The following RELN variants were observed in gnomAD, a reference collection of about 807,000 sequenced individuals.
The protein encoded by RELN is reelin.
In RELN, 108 loss-of-function variants were observed where a neutral mutation model predicts 427.6. The ratio of observed to expected loss-of-function variants is 0.25; its 90% CI spans 0.22 to 0.30. RELN has a LOEUF of 0.30. Ranked by LOEUF, RELN falls within the 10% of genes least tolerant of loss-of-function variation. The pLI is 1.00. For synonymous variants in RELN, 1,524 were observed against 1,513.4 expected, an observed-to-expected ratio of 1.01 and a Z score of -0.16; for missense variants, 3,715 against 4,302.8, an observed-to-expected ratio of 0.86 and a Z score of 3.82.
chr7:103,979,389 A>G (rs1346279788), intron 1 of RELN, among the ~76,000 whole-genome samples: 1 of 152,198 alleles, frequency 6.6e-6, no homozygotes, highest in Non-Finnish European at 1.5e-5. Context: ...GGTTGCCATA[A>G]AGTCTAGAGC....
At chr7:103,480,407 T>C (rs1828191009) in intron 63 of RELN, among the ~76,000 whole-genome samples, 1 of 152,192 alleles carries the variant, frequency 6.6e-6, no homozygotes, top group Admixed American at 6.5e-5. Flanking sequence ...AATGAATGAA[T>C]TGAAGTAATT....
chr7:103,790,067 A>G (rs893855733), intron 3 of RELN, among the ~76,000 whole-genome samples: 34 of 152,214 alleles, frequency 2.2e-4, no homozygotes, highest in Non-Finnish European at 4.4e-4. Flanking sequence ...CATCATTCTC[A>G]GCAAACTAAC....
intron 2 of RELN, among the ~76,000 whole-genome samples, chr7:103,862,435 CTAT>C (rs1794094069): frequency 4.6e-5 from 7 of 151,736 alleles, no homozygotes; most frequent in Admixed American, 4.6e-4. Context: ...ATCTATCTAT[CTAT>C]CTATCTATCT....
Position 103,603,224 on chromosome 7 carries a change from C to T in RELN, c.3333+80G>A, listed in dbSNP as rs561282930. 108 of 1,175,624 alleles carry T rather than the reference C, an allele frequency of 9.2e-5. 2 individuals carry two copies. The South Asian group carries it at 1.3e-3, about 14-fold the overall frequency. The allele number at this position is 1,175,624 out of a possible 1,614,324, so 72.8% of individuals were successfully genotyped here. ...AACGTGGGGAACAATAGAACCACTT[C>T]ATATTTGTACATTTGGAATTCAGAG... is the stretch of plus-strand genomic sequence containing the variant. On this transcript the variant is annotated intron_variant, in intron 24 of 64. Transcript: ENST00000428762. This position sits in a 1 kb window ranked among gnomAD's most constrained non-coding sequence, Gnocchi z 4.3.
At chr7:103,727,130 T>A (rs144639040) in intron 7 of RELN, among the ~76,000 whole-genome samples, 160 of 152,268 alleles carry the variant, frequency 1.1e-3, no homozygotes, top group African/African-American at 3.8e-3. Flanking sequence ...TAATTGCCCA[T>A]CTAGGCACCC....
chr7:103,826,319 AATGTGTGTGTGT>A (rs1316503664), intron 3 of RELN, among the ~76,000 whole-genome samples: 7 of 137,494 alleles, frequency 5.1e-5, no homozygotes, highest in Non-Finnish European at 7.8e-5. Context: ...AGACTAAGAC[AATGTGTGTGTGT>A]GTGTGTGTGT....
At chr7:103,749,884 C>T (rs950601184) in intron 5 of RELN, among the ~76,000 whole-genome samples, 4 of 152,198 alleles carry the variant, frequency 2.6e-5, no homozygotes, top group African/African-American at 9.7e-5. Context: ...CCATAATCCC[C>T]ATATATCGTG....
At chr7:103,962,516 G>A (rs746077377) in intron 1 of RELN, among the ~76,000 whole-genome samples, 7 of 151,830 alleles carry the variant, frequency 4.6e-5, no homozygotes, top group Non-Finnish European at 7.4e-5. Context: ...CCAGGAGGTC[G>A]TTGCACTGAG....
At chr7:103,637,419 A>G (rs1216038797) in intron 17 of RELN, among the ~76,000 whole-genome samples, 1 of 152,192 alleles carries the variant, frequency 6.6e-6, no homozygotes, top group African/African-American at 2.4e-5. Context: ...GGCATGACTC[A>G]GGATACTTCT....
At chr7:103,889,790 A>G (rs1320750302) in intron 2 of RELN, among the ~76,000 whole-genome samples, 1 of 152,158 alleles carries the variant, frequency 6.6e-6, no homozygotes, top group Admixed American at 6.5e-5. Flanking sequence ...TTAGAGGAAA[A>G]TAAGACACTA....
At chr7:103,725,405 A>C (rs1790181667) in intron 7 of RELN, among the ~76,000 whole-genome samples, 1 of 151,222 alleles carries the variant, frequency 6.6e-6, no homozygotes, top group Non-Finnish European at 1.5e-5. Context: ...ATTTAAAAAA[A>C]TTAGCTGGGT....
rs1794073892 is a variant in RELN, at chr7:103,861,641, C to T, written c.338-27969G>A. On this transcript the variant is annotated intron_variant, in intron 2 of 64. Transcript: ENST00000428762. ...ACATACAGGAAGTTGCCAACAGTGTCACATATTGCGAAGAGACCCAGAAAG... is the reference window on the plus strand; with the variant it reads ...ACATACAGGAAGTTGCCAACAGTGTTACATATTGCGAAGAGACCCAGAAAG... 1.3e-5 allele frequency among the ~76,000 whole-genome samples: 2 copies of T among 152,076 alleles called. 1 individual carries two copies. Among genetic ancestry groups the T allele is most frequent in the South Asian group, 4.1e-4 (2 of 4,822 alleles).
chr7:103,731,778 C>T (rs116397659), intron 6 of RELN, among the ~76,000 whole-genome samples: 1,578 of 152,080 alleles, frequency 0.01, 26 homozygotes, highest in African/African-American at 0.036. Context: ...CTATAAAAAC[C>T]TAATGTAAGC....
chr7:103,553,779 A>G lies in RELN; in HGVS notation c.5850T>C (p.Asn1950=). The change falls in exon 39 of 65, where the codon AAT becomes AAC. Residue 1950 remains asparagine, a synonymous_variant. Coordinates refer to ENST00000428762, the MANE Select transcript of RELN (RefSeq NM_005045.4). ...CCAAGAGCATCACAGGGTTGTTTAC[A>G]TTATTTCCATCGATAATGAAGTCAT... ...IVDDFIIDGN[N]VNNPVMLLDT... 1 of 1,614,118 alleles carries G rather than the reference A, an allele frequency of 6.2e-7. No homozygotes were observed. Among genetic ancestry groups the G allele is most frequent in the South Asian group, 1.1e-5 (1 of 91,088 alleles).
In RELN at chr7:103,565,371, A is replaced by G. The variant is rs1156996317; in HGVS notation, c.5117T>C (p.Ile1706Thr). Residue 1706 changes from isoleucine (I) to threonine (T), a missense_variant, in exon 34 of 65, where the codon ATT (isoleucine) becomes ACT (threonine). Ile to Thr is a moderately conservative substitution (Grantham distance 89, BLOSUM62 -1). Transcript: ENST00000428762. ...ACTTTCCGTGTAATGCAGACAGCCAATGGTTGGAGGAACACACTCTTCGGT... is the reference window on the plus strand; with the variant it reads ...ACTTTCCGTGTAATGCAGACAGCCAGTGGTTGGAGGAACACACTCTTCGGT... ...LVTEECVPPT[I>T]GCLHYTESSI... is the part of the protein sequence containing the mutation. 11 of 1,613,964 alleles carry G rather than the reference A, an allele frequency of 6.8e-6. No homozygotes were observed. Among genetic ancestry groups the G allele is most frequent in the Non-Finnish European group, 9.3e-6 (11 of 1,179,996 alleles).
chr7:103,757,513 C>G (rs949423153), intron 4 of RELN, among the ~76,000 whole-genome samples: 1 of 152,006 alleles, frequency 6.6e-6, no homozygotes, highest in Non-Finnish European at 1.5e-5. Context: ...AACCTAGCAA[C>G]GACATAAAAT....
At position 103,773,130 on chromosome 7, in the gene RELN, T is replaced by TTCTTTCTTTCTTTCTC. The variant is rs1563004242; in HGVS notation, c.544+3426_544+3427insGAGAAAGAAAGAAAGA. Among the ~76,000 whole-genome samples the TTCTTTCTTTCTTTCTC allele has an allele frequency of 1.4e-3, 142 of 98,158 alleles. 1 individual carries two copies. Among genetic ancestry groups the TTCTTTCTTTCTTTCTC allele is most frequent in the South Asian group, 6.3e-3 (16 of 2,530 alleles). 64.4% of individuals were successfully genotyped at this position (98,158 alleles called of 152,430 possible). A position where few individuals can be genotyped will look rare whatever the true frequency, so the allele number is the denominator to read the frequency against. Reference sequence around the variant, plus strand: ...TTTCTTTCTTTCTTTCTTTCTTTCTTTCTTTCTTTCTTTCTTTCTTTCTTT... The same window carrying TTCTTTCTTTCTTTCTC: ...TTTCTTTCTTTCTTTCTTTCTTTCTTTCTTTCTTTCTTTCTCTCTTTCTTTCTTTCTTTCTTTCTTT... On this transcript the variant is annotated intron_variant, in intron 4 of 64. Transcript: ENST00000428762.
chr7:103,525,308 AG>A (rs1829798598), intron 46 of RELN, among the ~76,000 whole-genome samples: 1 of 152,170 alleles, frequency 6.6e-6, no homozygotes. Flanking sequence ...TCACAGTTAT[AG>A]TTATACATTT....
rs557010790 is a variant in RELN at position 103,664,032 on chromosome 7, C to T, written c.1290-2505G>A. Among the ~76,000 whole-genome samples, 4 of 152,252 alleles carry T rather than the reference C, an allele frequency of 2.6e-5. No individual in the cohort carries two copies. In the South Asian group the frequency reaches 8.3e-4, roughly 32 times the overall value. On this transcript the variant is annotated intron_variant, in intron 11 of 64. Coordinates refer to ENST00000428762, the MANE Select transcript of RELN (RefSeq NM_005045.4). Reference sequence around the variant, plus strand: ...GACCCATCTGTTGCTACCCAAGTCCCGGTTGTGTCAGTGAGAAGTGAAAAC... The same window carrying T: ...GACCCATCTGTTGCTACCCAAGTCCTGGTTGTGTCAGTGAGAAGTGAAAAC...
Sources: gnomAD v4.1 joint callset for allele counts (sites outside exome capture counted in the v4.1 genomes callset) on GRCh38, gnomAD v4.1.1 for gene constraint, Gnocchi (gnomAD v3.1) non-coding constraint, MANE v1.5 for transcripts, NCBI Gene and HGNC (gene_info 2026-07-23, HGNC 2026-07-21) for gene names.